The following CRB1 variants were observed in gnomAD, a reference collection of about 807,000 sequenced individuals.
CRB1 encodes crumbs cell polarity complex component 1, also known as protein crumbs homolog 1.
A neutral mutation model predicts 120.0 loss-of-function variants in CRB1; 83 were observed. The observed-to-expected ratio is 0.69, with a 90% CI of 0.58 to 0.83. The LOEUF is 0.83. CRB1 is among the 40% of genes least tolerant of loss of function. CRB1 has a pLI of 0.00. For missense variants in CRB1, 1,699 were observed against 1,687.6 expected (o/e 1.01, Z -0.12); for synonymous variants, 625 against 612.5 (o/e 1.02, Z -0.30).
At chr1:197,278,209 A>C (rs922168300) in intron 1 of CRB1, among the ~76,000 whole-genome samples, 2 of 151,874 alleles carry the variant, frequency 1.3e-5, no homozygotes, top group African/African-American at 2.4e-5. Flanking sequence ...GGCCTCACAC[A>C]TGGGATTAGT....
chr1:197,371,697 A>G (rs768820205), intron 5 of CRB1, among the ~76,000 whole-genome samples: 7 of 152,130 alleles, frequency 4.6e-5, no homozygotes, highest in Non-Finnish European at 7.4e-5. Flanking sequence ...TTACCCTTGC[A>G]CCCAACTCCC....
intron 11 of CRB1, among the ~76,000 whole-genome samples, chr1:197,448,891 G>T (rs1024653764): frequency 6.6e-6 from 1 of 152,192 alleles, no homozygotes; most frequent in Non-Finnish European, 1.5e-5. Context: ...ACAAATGTCT[G>T]TAAAAGAATG....
Position 197,278,315 on chromosome 1 carries a change from G to A in CRB1, c.70+9833G>A, listed in dbSNP as rs554338766. 2.2e-4 allele frequency among the ~76,000 whole-genome samples: 33 copies of A among 151,918 alleles called. No individual in the cohort carries two copies. The Middle Eastern group carries it at 0.014, about 63-fold the overall frequency. On this transcript the variant is annotated intron_variant, in intron 1 of 11. Coordinates refer to ENST00000367400, the MANE Select transcript of CRB1 (RefSeq NM_201253.3). The stretch of plus-strand genomic sequence containing the variant: ...CCCTCTACCTATGAACCAGAAGTTG[G>A]CCCTGGACAGACCCCATATCTACTG...
intron 1 of CRB1, among the ~76,000 whole-genome samples, chr1:197,298,455 C>T (rs565005195): frequency 6.6e-5 from 10 of 152,054 alleles, no homozygotes; most frequent in South Asian, 2.1e-4. Flanking sequence ...ATGCTTCAGG[C>T]GAGAGGAACC....
the CRB1 span, among the ~76,000 whole-genome samples, chr1:197,247,622 T>G: frequency 6.6e-6 from 1 of 151,994 alleles, no homozygotes; most frequent in Non-Finnish European, 1.5e-5. Context: ...CATTCATCAG[T>G]GACAGTGGAA....
intron 1 of CRB1, among the ~76,000 whole-genome samples, chr1:197,317,400 A>G (rs530778741): frequency 6.6e-6 from 1 of 152,322 alleles, no homozygotes; most frequent in African/African-American, 2.4e-5. Context: ...CCTGGGTGAC[A>G]GAGTGAGACT....
intron 8 of CRB1, 77 bp downstream of exon 8, chr1:197,429,691 A>G (rs1664783939): frequency 1.4e-6 from 2 of 1,453,984 alleles, no homozygotes; most frequent in Non-Finnish European, 9.6e-7. Flanking sequence ...ACACAGAAAA[A>G]GAGTATAGAC....
intron 1 of CRB1, among the ~76,000 whole-genome samples, chr1:197,274,399 T>C (rs1174782782): frequency 6.6e-6 from 1 of 152,232 alleles, no homozygotes; most frequent in Non-Finnish European, 1.5e-5. Flanking sequence ...TTCATACATT[T>C]GTAATGCAGT....
upstream of CRB1, among the ~76,000 whole-genome samples, chr1:197,266,591 T>C (rs1654640956): frequency 6.6e-6 from 1 of 152,206 alleles, no homozygotes; most frequent in Non-Finnish European, 1.5e-5. Flanking sequence ...AGCCCAAATC[T>C]GACACATGGT....
chr1:197,375,323 G>A (rs1208529907), intron 5 of CRB1, among the ~76,000 whole-genome samples: 1 of 152,146 alleles, frequency 6.6e-6, no homozygotes, highest in East Asian at 1.9e-4. Context: ...GGGGTGATTT[G>A]CTAGATGGAT....
At chr1:197,252,574 ATATATATATGTGTGTGTGTGTG>A in the CRB1 span, among the ~76,000 whole-genome samples, 8 of 41,820 alleles carry the variant, frequency 1.9e-4, no homozygotes, top group African/African-American at 4.9e-4. Flanking sequence ...ATATATATAT[ATATATATATGTGTGTGTGTGTG>A]TGTGTGTGTG....
In CRB1 at chr1:197,344,451, G is replaced by A. The variant is rs1558067931; in HGVS notation, c.823G>A (p.Gly275Arg). ...ECASQPCLHG[G>R]LCVDGENRYS... ...TGCCAGTCAACCTTGTCTCCATGGA[G>A]GGCTGTGTGTGGATGGAGAAAACAG... The change falls in exon 3 of 12, where the codon GGG becomes AGG. Residue 275 changes from glycine to arginine, a missense_variant. Transcript: ENST00000367400. The A allele has an allele frequency of 1.9e-6, 3 of 1,613,972 alleles. No homozygotes were observed. The highest frequency in any genetic ancestry group is 1.3e-5 in the African/African-American group (1 of 74,900).
chr1:197,283,294 T>C (rs1269417221), intron 1 of CRB1, among the ~76,000 whole-genome samples: 1 of 151,664 alleles, frequency 6.6e-6, no homozygotes, highest in African/African-American at 2.4e-5. Flanking sequence ...TTTGGTTACA[T>C]GAGTAAGTTC....
chr1:197,459,325 T>C (rs1241721258), intron 11 of CRB1, among the ~76,000 whole-genome samples: 3 of 152,136 alleles, frequency 2.0e-5, no homozygotes, highest in African/African-American at 7.2e-5. Context: ...ACTTTCTGAC[T>C]AGAAAGGACC....
chr1:197,304,997 C>T (rs569233293), intron 1 of CRB1, among the ~76,000 whole-genome samples: 1 of 152,284 alleles, frequency 6.6e-6, no homozygotes, highest in East Asian at 1.9e-4. Context: ...TTAGTCATTA[C>T]TGGAAGGCCC....
intron 5 of CRB1, among the ~76,000 whole-genome samples, chr1:197,415,915 T>C (rs1663975636): frequency 6.6e-6 from 1 of 152,140 alleles, no homozygotes; most frequent in East Asian, 1.9e-4. Context: ...GTTCTGGCAT[T>C]ACAAGCATGA....
At chr1:197,290,423 G>T (rs992925606) in intron 1 of CRB1, among the ~76,000 whole-genome samples, 9 of 151,558 alleles carry the variant, frequency 5.9e-5, no homozygotes, top group African/African-American at 2.2e-4. Context: ...TAGCTTCATT[G>T]TTGCTCACCA....
chr1:197,411,581 A>G (rs1280428412), intron 5 of CRB1, among the ~76,000 whole-genome samples: 1 of 152,140 alleles, frequency 6.6e-6, no homozygotes, highest in Non-Finnish European at 1.5e-5. Flanking sequence ...CCTGCTTTAT[A>G]TCTATTCCAT....
At chr1:197,441,591 CA>C (rs1317372939) in intron 10 of CRB1, 5 of 150,498 alleles carry the variant, frequency 3.3e-5, no homozygotes, top group African/African-American at 1.2e-4. Context: ...AAAGGATTTC[CA>C]CAGAAAATAA....
Sources: allele counts gnomAD v4.1 joint callset (sites outside exome capture counted in the v4.1 genomes callset), GRCh38; gene constraint gnomAD v4.1.1; transcripts MANE v1.5; gene names NCBI Gene and HGNC (gene_info 2026-07-23, HGNC 2026-07-21).